PKHD1L1: variants seen among roughly 807,000 people sequenced by gnomAD.
The protein encoded by PKHD1L1 is PKHD1 like 1.
Under a neutral mutation model 462.9 loss-of-function variants are expected in PKHD1L1, and 434 were observed. The ratio of observed to expected loss-of-function variants is 0.94; its 90% CI spans 0.87 to 1.02. PKHD1L1 has a LOEUF of 1.02. PKHD1L1 is among the 50% of genes least tolerant of loss of function. The probability of loss-of-function intolerance (pLI) is 0.00; values close to 1 mark genes in which losing one functional copy is unlikely to be tolerated. For synonymous variants in PKHD1L1, 1,781 were observed against 1,750.0 expected, an observed-to-expected ratio of 1.02 and a Z score of -0.44; for missense variants, 5,202 against 5,096.1, an observed-to-expected ratio of 1.02 and a Z score of -0.63.
Position 109,452,201 on chromosome 8 carries a change from T to C in PKHD1L1, c.6428T>C (p.Ile2143Thr). The change falls in exon 42 of 78, where the codon ATC (isoleucine) becomes ACC (threonine). Residue 2143 changes from isoleucine to threonine, a missense_variant. Ile to Thr is a moderately conservative substitution (Grantham distance 89). Around this residue, in one of 3 missense-constraint regions of PKHD1L1, gnomAD observed 4,497 missense variants for 4,336.8 expected, o/e 1.04. Coordinates refer to ENST00000378402, the MANE Select transcript of PKHD1L1 (RefSeq NM_177531.6). ...DVEYSNKTHI[I>T]CMTDAHTLSG... is the part of the protein sequence containing the mutation. ...GAGTATTCCAACAAGACACACATCATCTGCATGACAGATGCCCATACTCTA... is the reference window on the plus strand; with the variant it reads ...GAGTATTCCAACAAGACACACATCACCTGCATGACAGATGCCCATACTCTA... 6.2e-7 allele frequency: 1 copy of C among 1,613,396 alleles called. No individual in the cohort carries two copies. Among genetic ancestry groups the C allele is most frequent in the Admixed American group, 1.7e-5 (1 of 59,948 alleles).
rs1328582084 is a variant in PKHD1L1, at chr8:109,481,551, C to A, written c.9446C>A (p.Ala3149Glu). Residue 3149 changes from alanine to glutamate, a missense_variant, in exon 56 of 78, where the codon GCA (alanine) becomes GAA (glutamate). This residue lies in a region of PKHD1L1 where 4,497 missense variants were observed against 4,336.8 expected (regional missense o/e 1.04). Transcript: ENST00000378402. ...WALPEGPNQG[A>E]KVLGVFGELD... The stretch of plus-strand genomic sequence containing the variant: ...CTTCCAGAAGGACCAAATCAAGGGG[C>A]AAAGGTCTTAGGTGTGTGTCTACAG... The A allele has an allele frequency of 6.3e-7, 1 of 1,592,262 alleles. No individual in the cohort carries two copies. The highest frequency in any genetic ancestry group is 8.6e-7 in the Non-Finnish European group (1 of 1,169,132).
At chr8:109,515,143 T>C in intron 71 of PKHD1L1, 27 bp from the exon 72 acceptor site, 2 of 1,479,862 alleles carry the variant, frequency 1.4e-6, no homozygotes, top group Non-Finnish European at 1.8e-6. Context: ...TTTTGTTGCT[T>C]TCTTAAAACT....
chr8:109,480,971 T>C (rs1818244893), intron 55 of PKHD1L1, among the ~76,000 whole-genome samples: 1 of 151,934 alleles, frequency 6.6e-6, no homozygotes, highest in Non-Finnish European at 1.5e-5. Context: ...AATTCATGAA[T>C]TTGGTGTAAA....
rs1256498355 is a variant in PKHD1L1, at chr8:109,456,299, T to C, written c.6912T>C (p.His2304=). The change falls in exon 46 of 78, where the codon CAT becomes CAC. Residue 2304 remains histidine (H), a synonymous_variant. Transcript: ENST00000378402. Reference sequence around the variant, plus strand: ...CTGTGACCTGGACTCGCTTGGCTCATACTGCAAAGGCAGGGGAAAGAATTT... The same window carrying C: ...CTGTGACCTGGACTCGCTTGGCTCACACTGCAAAGGCAGGGGAAAGAATTT... The part of the protein sequence containing the change: ...PVPVTWTRLA[H]TAKAGERILI... The C allele has an allele frequency of 1.9e-5, 30 of 1,613,020 alleles. No individual in the cohort carries two copies. The highest frequency in any genetic ancestry group is 2.3e-5 in the Non-Finnish European group (27 of 1,179,416).
At chr8:109,396,821 G>A (rs1036616751) in intron 11 of PKHD1L1, among the ~76,000 whole-genome samples, 7 of 152,192 alleles carry the variant, frequency 4.6e-5, no homozygotes, top group South Asian at 2.1e-4. Context: ...GCCTGCCCAT[G>A]CAACAAGGCA....
chr8:109,440,609 C>T, intron 32 of PKHD1L1, 101 bp from the exon 33 acceptor site: 2 of 1,018,990 alleles, frequency 2.0e-6, no homozygotes, highest in Non-Finnish European at 2.8e-6. Flanking sequence ...AGTTAAATAT[C>T]CAGTTATTTC....
At chr8:109,400,534 A>G (rs1365756954) in intron 13 of PKHD1L1, among the ~76,000 whole-genome samples, 190 bp downstream of exon 13, 2 of 152,124 alleles carry the variant, frequency 1.3e-5, no homozygotes, top group Non-Finnish European at 2.9e-5. Context: ...ATAGCCTACA[A>G]GAAAATTTCC....
chr8:109,400,053 T>G lies in PKHD1L1; in HGVS notation c.1013-23T>G. On this transcript the variant is annotated intron_variant, in intron 12 of 77. Transcript: ENST00000378402. ...TTGCATTATGATCCTGATGAAAGTC[T>G]TATTTTATTTCATTACACTTAGGAG... is the stretch of plus-strand genomic sequence containing the variant. 4 of 1,582,862 alleles carry G rather than the reference T, an allele frequency of 2.5e-6. No individual in the cohort carries two copies. In the South Asian group the frequency reaches 4.6e-5, roughly 18 times the overall value.
chr8:109,378,818 A>G (rs1811965534), intron 2 of PKHD1L1, among the ~76,000 whole-genome samples: 1 of 152,198 alleles, frequency 6.6e-6, no homozygotes, highest in Non-Finnish European at 1.5e-5. Context: ...TGAAGGGAAC[A>G]TGATTGGAAT....
intron 38 of PKHD1L1, among the ~76,000 whole-genome samples, chr8:109,447,210 G>A (rs1365688686): frequency 1.3e-5 from 2 of 152,142 alleles, no homozygotes; most frequent in Non-Finnish European, 1.5e-5. Flanking sequence ...GCGACAGAGC[G>A]AGACTCCATC....
chr8:109,514,737 C>T (rs1005053334), intron 71 of PKHD1L1, among the ~76,000 whole-genome samples: 1 of 152,078 alleles, frequency 6.6e-6, no homozygotes, highest in Non-Finnish European at 1.5e-5. Flanking sequence ...GTTATTTTGA[C>T]ATTTATTAGT....
Position 109,400,355 on chromosome 8 carries a change from C to T in PKHD1L1, c.1281+11C>T. The T allele has an allele frequency of 6.2e-7, 1 of 1,608,996 alleles. No homozygotes were observed. The highest frequency in any genetic ancestry group is 8.5e-7 in the Non-Finnish European group (1 of 1,176,824). On this transcript the variant is annotated intron_variant, in intron 13 of 77. Coordinates refer to ENST00000378402, the MANE Select transcript of PKHD1L1 (RefSeq NM_177531.6). ...CTTCCAGAAGATAAGGTAGGGAAGC[C>T]TCAGAATACTATTTGATACTGTAAA...
intron 2 of PKHD1L1, among the ~76,000 whole-genome samples, chr8:109,380,348 T>G (rs1004554876): frequency 2.0e-5 from 3 of 152,152 alleles, no homozygotes; most frequent in African/African-American, 7.2e-5. Flanking sequence ...CTGTATCAGA[T>G]GCCTTTTATA....
rs1821034985 is a variant in PKHD1L1 at position 109,531,298 on chromosome 8, C to T, written c.*1208C>T. Among the ~76,000 whole-genome samples the T allele has an allele frequency of 6.6e-6, 1 of 152,158 alleles. No homozygotes were observed. The highest frequency in any genetic ancestry group is 2.4e-5 in the African/African-American group (1 of 41,438). On this transcript the variant is annotated 3_prime_UTR_variant, in exon 78 of 78. Coordinates refer to ENST00000378402, the MANE Select transcript of PKHD1L1 (RefSeq NM_177531.6). Reference sequence around the variant, plus strand: ...AAATGTGGCATTTCATTCACTTGAGCAGTATCTGTTGGGTGTTCTAGTAAG... The same window carrying T: ...AAATGTGGCATTTCATTCACTTGAGTAGTATCTGTTGGGTGTTCTAGTAAG...
chr8:109,364,577 A>C lies in PKHD1L1; in HGVS notation c.104A>C (p.Glu35Ala), dbSNP rs1289391228. ...DGSQIIPKVT[E>A]IIPKYGSING... ...TCTCAAATAATCCCCAAAGTCACAG[A>C]AATAATACCTAAATATGGCAGTATA... Residue 35 changes from glutamate (E) to alanine (A), a missense_variant, in exon 2 of 78, where the codon GAA becomes GCA. Glu to Ala is a moderately radical substitution (Grantham distance 107, BLOSUM62 -1). Coordinates refer to ENST00000378402, the MANE Select transcript of PKHD1L1 (RefSeq NM_177531.6). 6 of 1,604,454 alleles carry C rather than the reference A, an allele frequency of 3.7e-6. No individual in the cohort carries two copies. The highest frequency in any genetic ancestry group is 5.1e-6 in the Non-Finnish European group (6 of 1,173,194).
At chr8:109,496,842 T>C in intron 63 of PKHD1L1, 77 bp from the exon 64 acceptor site, 1 of 1,444,584 alleles carries the variant, frequency 6.9e-7, no homozygotes, top group Non-Finnish European at 9.4e-7. Flanking sequence ...TTTTGTTAAC[T>C]TTAACTGATA....
At chr8:109,394,617 C>T (rs1812878373) in intron 10 of PKHD1L1, 132 bp downstream of exon 10, 2 of 498,218 alleles carry the variant, frequency 4.0e-6, no homozygotes, top group African/African-American at 2.0e-5. Flanking sequence ...GGAAAAATCC[C>T]TAAGATGGGG....
At chr8:109,411,360 A>G (rs1378008015) in intron 19 of PKHD1L1, among the ~76,000 whole-genome samples, 2 of 152,190 alleles carry the variant, frequency 1.3e-5, no homozygotes, top group African/African-American at 4.8e-5. Context: ...AATTCAGATT[A>G]ATACCCTGGA....
intron 21 of PKHD1L1, among the ~76,000 whole-genome samples, chr8:109,417,426 T>A (rs115863764): frequency 0.027 from 4,066 of 152,286 alleles, 189 homozygotes; most frequent in African/African-American, 0.094. Context: ...ATGGAGTTCA[T>A]GGATTTTCTT....
Sources: allele counts gnomAD v4.1 joint callset (sites outside exome capture counted in the v4.1 genomes callset), GRCh38; gene constraint gnomAD v4.1.1; regional missense constraint gnomAD v4.1.1; transcripts MANE v1.5; gene names NCBI Gene and HGNC (gene_info 2026-07-23, HGNC 2026-07-21).